ATP7B: variants seen among roughly 807,000 people sequenced by gnomAD.
ATP7B encodes the protein ATPase copper transporting beta.
ATP7B carries 113 observed loss-of-function variants against 118.9 expected under a neutral mutation model. The observed-to-expected ratio is 0.95, with a 90% CI of 0.82 to 1.11. The LOEUF (loss-of-function observed/expected upper bound fraction) is 1.11, where lower values mean the gene tolerates loss of function less well. Ranked by LOEUF, ATP7B falls within the 50% of genes most tolerant of loss-of-function variation. The probability of loss-of-function intolerance (pLI) is 0.00; values close to 1 mark genes in which losing one functional copy is unlikely to be tolerated. For synonymous variants in ATP7B, 777 were observed against 727.4 expected (o/e 1.07, Z -1.10); for missense variants, 1,867 against 1,871.4 (o/e 1.00, Z 0.04).
Position 52,011,414 on chromosome 13 carries a change from G to C in ATP7B, c.-77C>G. ...CACCTGGTCGGTGGAGGAGAGCGGGGTGTTAAAGTCCCGGGAGAGGAGGCG... is the reference window on the plus strand; with the variant it reads ...CACCTGGTCGGTGGAGGAGAGCGGGCTGTTAAAGTCCCGGGAGAGGAGGCG... On this transcript the variant is annotated 5_prime_UTR_variant, in exon 1 of 21. Transcript: ENST00000242839. The C allele has an allele frequency of 2.5e-6, 4 of 1,596,302 alleles. No homozygotes were observed. Among genetic ancestry groups the C allele is most frequent in the Non-Finnish European group, 3.4e-6 (4 of 1,164,876 alleles).
intron 5 of ATP7B, among the ~76,000 whole-genome samples, chr13:51,964,599 T>C (rs983481164): frequency 9.9e-5 from 15 of 152,200 alleles, no homozygotes; most frequent in African/African-American, 3.4e-4. Context: ...ATCTTGACAA[T>C]ATTGATGTTT....
intron 1 of ATP7B, among the ~76,000 whole-genome samples, chr13:52,000,626 A>G (rs1403391149): frequency 6.6e-6 from 1 of 152,144 alleles, no homozygotes; most frequent in African/African-American, 2.4e-5. Context: ...AGCTCTCAAC[A>G]TTCTGCCCTT....
chr13:51,991,504 C>T (rs1026008037), intron 1 of ATP7B, among the ~76,000 whole-genome samples: 1 of 151,392 alleles, frequency 6.6e-6, no homozygotes, highest in African/African-American at 2.4e-5. Flanking sequence ...GGGAAAAAAA[C>T]AAACAAAAAA....
At chr13:52,003,497 TATA>T (rs1426850748) in intron 1 of ATP7B, among the ~76,000 whole-genome samples, 6 of 152,116 alleles carry the variant, frequency 3.9e-5, no homozygotes, top group Non-Finnish European at 8.8e-5. Flanking sequence ...CCGTAACAGA[TATA>T]ATAATAATGA....
chr13:51,983,228 G>T (rs959945715), intron 1 of ATP7B, among the ~76,000 whole-genome samples: 2 of 152,172 alleles, frequency 1.3e-5, no homozygotes, highest in Non-Finnish European at 2.9e-5. Flanking sequence ...GCTTGGTCGG[G>T]GGAGGGGCAT....
At chr13:51,963,019 G>C (rs550808096) in intron 5 of ATP7B, among the ~76,000 whole-genome samples, 1 of 151,900 alleles carries the variant, frequency 6.6e-6, no homozygotes, top group Non-Finnish European at 1.5e-5. Flanking sequence ...TTGAACCCGG[G>C]AGGCAGAGCT....
chr13:51,991,460 C>T (rs751336094), intron 1 of ATP7B, among the ~76,000 whole-genome samples: 4 of 151,954 alleles, frequency 2.6e-5, no homozygotes, highest in Non-Finnish European at 5.9e-5. Context: ...GCGGCAACTG[C>T]ACTCCAACCT....
chr13:51,958,356 G>C lies in ATP7B; in HGVS notation c.2310C>G (p.Leu770=), dbSNP rs398123136. 71 of 1,614,206 alleles carry C rather than the reference G, an allele frequency of 4.4e-5. No homozygotes were observed. The East Asian group carries it at 1.5e-3, about 35-fold the overall frequency. ...PVTFFDTPPM[L]FVFIALGRWL... ...ACCGGCCCAGGGCAATGAACACAAA[G>C]AGCATGGGGGGCGTGTCGAAGAATG... Residue 770 remains leucine (L), a synonymous_variant, in exon 8 of 21, where the codon CTC becomes CTG. Coordinates refer to ENST00000242839, the MANE Select transcript of ATP7B (RefSeq NM_000053.4).
chr13:51,969,127 AT>A (rs1259086864), intron 3 of ATP7B, among the ~76,000 whole-genome samples: 18 of 148,904 alleles, frequency 1.2e-4, no homozygotes, highest in Middle Eastern at 3.4e-3. Context: ...CCAAGGCATC[AT>A]TTTTTTTTAA....
chr13:51,965,643 C>T (rs78930227), intron 4 of ATP7B, among the ~76,000 whole-genome samples: 4,340 of 152,144 alleles, frequency 0.029, 216 homozygotes, highest in African/African-American at 0.1. Flanking sequence ...AGGAGAAGCT[C>T]GAAAAAGACG....
chr13:51,950,353 T>G lies in ATP7B; in HGVS notation c.2494A>C (p.Lys832Gln). The G allele has an allele frequency of 1.2e-6, 2 of 1,614,144 alleles. No individual in the cohort carries two copies. Among genetic ancestry groups the G allele is most frequent in the East Asian group, 4.5e-5 (2 of 44,878 alleles). ...GGAAACTTTCCCCCAGGGACCACCTTGACGATATCGCCCCGCTGCACCAGC... is the reference window on the plus strand; with the variant it reads ...GGAAACTTTCCCCCAGGGACCACCTGGACGATATCGCCCCGCTGCACCAGC... ...MELVQRGDIV[K>Q]VVPGGKFPVD... Residue 832 changes from lysine to glutamine, a missense_variant, in exon 10 of 21, where the codon AAG becomes CAG. Lys to Gln is a moderately conservative substitution (Grantham distance 53). Coordinates refer to ENST00000242839, the MANE Select transcript of ATP7B (RefSeq NM_000053.4).
chr13:51,949,161 CAG>C (rs1957838855), intron 12 of ATP7B, among the ~76,000 whole-genome samples: 1 of 152,138 alleles, frequency 6.6e-6, no homozygotes, highest in Admixed American at 6.5e-5. Context: ...GCCCGGGAAA[CAG>C]AGGGAGACTC....
At chr13:51,935,521 AC>A in intron 20 of ATP7B, 71 bp downstream of exon 20, 1 of 1,461,196 alleles carries the variant, frequency 6.8e-7, no homozygotes, top group Non-Finnish European at 9.4e-7. Context: ...GGCAAGTTCC[AC>A]TGTGCTAAGC....
At chr13:51,970,433 G>A (rs893990649) in intron 3 of ATP7B, 59 bp downstream of exon 3, 1 of 1,607,560 alleles carries the variant, frequency 6.2e-7, no homozygotes, top group Non-Finnish European at 8.5e-7. Flanking sequence ...TATTCTGAAG[G>A]GAGAATACGA....
chr13:51,977,238 T>TG (rs1159195123), intron 1 of ATP7B, among the ~76,000 whole-genome samples: 3 of 151,752 alleles, frequency 2.0e-5, no homozygotes, highest in Non-Finnish European at 4.4e-5. Context: ...TTAATTTTTT[T>TG]TTTTTTTACT....
intron 1 of ATP7B, among the ~76,000 whole-genome samples, chr13:51,998,797 T>C (rs1953342675): frequency 6.6e-6 from 1 of 152,218 alleles, no homozygotes; most frequent in African/African-American, 2.4e-5. Context: ...CATGTTTCCA[T>C]GAACCTCCAG....
chr13:51,968,179 A>G (rs1951658993), intron 4 of ATP7B, among the ~76,000 whole-genome samples: 1 of 151,068 alleles, frequency 6.6e-6, no homozygotes. Flanking sequence ...TTTCTTCTAT[A>G]CTCCTGCAGC....
intron 5 of ATP7B, among the ~76,000 whole-genome samples, chr13:51,962,950 G>C (rs1958846990): frequency 6.6e-6 from 1 of 152,068 alleles, no homozygotes; most frequent in African/African-American, 2.4e-5. Flanking sequence ...AAATTAGCCA[G>C]GCGTGGTGGT....
At position 51,974,857 on chromosome 13, in the gene ATP7B, G is replaced by A. The variant is rs370199412; in HGVS notation, c.363C>T (p.Phe121=). ...CCTTTCCTTCTGCAATGCTGGCCTC[G>A]AAGCCCATGTCCCCAATTTGATGGC... The part of the protein sequence containing the change: ...QVCHQIGDMG[F]EASIAEGKAA... Residue 121 remains phenylalanine, a synonymous_variant, in exon 2 of 21, where the codon TTC becomes TTT. Coordinates refer to ENST00000242839, the MANE Select transcript of ATP7B (RefSeq NM_000053.4). 2.0e-5 allele frequency: 32 copies of A among 1,614,044 alleles called. No homozygotes were observed. In the East Asian group the frequency reaches 3.8e-4, roughly 19 times the overall value.
Sources: gnomAD v4.1 joint callset for allele counts (sites outside exome capture counted in the v4.1 genomes callset) on GRCh38, gnomAD v4.1.1 for gene constraint, MANE v1.5 for transcripts, NCBI Gene and HGNC (gene_info 2026-07-23, HGNC 2026-07-21) for gene names.